The following KDM3A variants were observed in gnomAD, a reference collection of about 807,000 sequenced individuals.
KDM3A encodes lysine demethylase 3A.
In KDM3A, 60 loss-of-function variants were observed where a neutral mutation model predicts 158.0. The ratio of observed to expected loss-of-function variants is 0.38; its 90% CI spans 0.31 to 0.47. The LOEUF (loss-of-function observed/expected upper bound fraction) is 0.47, where lower values mean the gene tolerates loss of function less well. Ranked by LOEUF, KDM3A falls within the 20% of genes least tolerant of loss-of-function variation. The probability of loss-of-function intolerance (pLI) is 0.99; values close to 1 mark genes in which losing one functional copy is unlikely to be tolerated. For missense variants in KDM3A, 1,319 were observed against 1,574.3 expected (o/e 0.84, Z 2.74); for synonymous variants, 608 against 549.3 (o/e 1.11, Z -1.49).
intron 2 of KDM3A, chr2:86,443,482 G>A (rs1427491979): frequency 6.6e-6 from 1 of 152,158 alleles, no homozygotes; most frequent in East Asian, 1.9e-4. Flanking sequence ...TTAACCATGT[G>A]GCAAGCACTT....
At chr2:86,452,718 G>A (rs1672521787) in intron 4 of KDM3A, among the ~76,000 whole-genome samples, 1 of 152,164 alleles carries the variant, frequency 6.6e-6, no homozygotes, top group South Asian at 2.1e-4. Context: ...GTAGTTTGGG[G>A]TCAGTGGTTA....
intron 2 of KDM3A, chr2:86,442,456 G>A (rs1682770215): frequency 4.0e-6 from 2 of 498,992 alleles, no homozygotes; most frequent in Admixed American, 3.6e-5. Context: ...ATGGGCTTAG[G>A]GTTGTTCAGA....
chr2:86,473,570 C>G (rs904034888), intron 11 of KDM3A, among the ~76,000 whole-genome samples: 3 of 152,060 alleles, frequency 2.0e-5, no homozygotes, highest in African/African-American at 7.2e-5. Flanking sequence ...CAGGGCAAAA[C>G]CCTGTCTCTA....
chr2:86,466,979 T>G lies in KDM3A; in HGVS notation c.1519+96T>G, dbSNP rs1673184139. ...TATGAGAAACTATGTGAAAATGACT[T>G]TGTAGAAATAGTTTATACAGTCAGA... is the stretch of plus-strand genomic sequence containing the variant. On this transcript the variant is annotated intron_variant, in intron 10 of 25. Transcript: ENST00000312912. 7.6e-6 allele frequency: 8 copies of G among 1,056,784 alleles called. No individual in the cohort carries two copies. In the South Asian group the frequency reaches 1.2e-4, roughly 16 times the overall value. 65.5% of individuals were successfully genotyped at this position (1,056,784 alleles called of 1,614,324 possible). A position where few individuals can be genotyped will look rare whatever the true frequency, so the allele number is the denominator to read the frequency against.
At chr2:86,447,719 C>T (rs766670975) in intron 2 of KDM3A, among the ~76,000 whole-genome samples, 24 of 152,142 alleles carry the variant, frequency 1.6e-4, no homozygotes, top group Non-Finnish European at 1.9e-4. Context: ...ACCTGGGGTG[C>T]AAGTTAGTTG....
chr2:86,444,628 G>A (rs560719775), intron 2 of KDM3A, among the ~76,000 whole-genome samples: 2 of 143,246 alleles, frequency 1.4e-5, no homozygotes, highest in Non-Finnish European at 3.0e-5. Context: ...TTACACTAGG[G>A]TTTAGGGGCA....
chr2:86,467,034 C>T (rs887660442), intron 10 of KDM3A, 151 bp downstream of exon 10: 1 of 660,860 alleles, frequency 1.5e-6, no homozygotes, highest in South Asian at 2.2e-5. Flanking sequence ...ATTCCCAAAT[C>T]TCAGAAACGA....
chr2:86,480,311 C>A lies in KDM3A; in HGVS notation c.2461C>A (p.Leu821Ile), dbSNP rs1468584427. ...KPACPASTSP[L>I]NWLADLTSGN... Reference sequence around the variant, plus strand: ...TGCCTGTCCAGCCAGCACATCTCCTCTAAACTGGCTGGCCGACCTAACCAG... The same window carrying A: ...TGCCTGTCCAGCCAGCACATCTCCTATAAACTGGCTGGCCGACCTAACCAG... Residue 821 changes from leucine (L) to isoleucine (I), a missense_variant, in exon 16 of 26, where the codon CTA (leucine) becomes ATA (isoleucine). Coordinates refer to ENST00000312912, the MANE Select transcript of KDM3A (RefSeq NM_018433.6). The A allele has an allele frequency of 1.9e-6, 3 of 1,614,076 alleles. No homozygotes were observed. The highest frequency in any genetic ancestry group is 2.5e-6 in the Non-Finnish European group (3 of 1,179,980).
intron 2 of KDM3A, among the ~76,000 whole-genome samples, chr2:86,446,104 CAGAA>C (rs1372998014): frequency 2.0e-5 from 3 of 152,084 alleles, no homozygotes; most frequent in African/African-American, 7.2e-5. Context: ...ATTCATATAT[CAGAA>C]AGATTTTCTG....
chr2:86,461,537 G>C (rs188848132), intron 8 of KDM3A, among the ~76,000 whole-genome samples: 1 of 152,180 alleles, frequency 6.6e-6, no homozygotes, highest in East Asian at 1.9e-4. Context: ...AACAGTGGGC[G>C]CAACAGCAGG....
upstream of KDM3A, among the ~76,000 whole-genome samples, chr2:86,438,142 T>G (rs557554064): frequency 3.0e-4 from 45 of 152,246 alleles, no homozygotes; most frequent in African/African-American, 1.1e-3. Flanking sequence ...GTTATAAAAT[T>G]TTCTTTTCTT....
In KDM3A at chr2:86,478,761, A is replaced by G. The variant is rs143460753; in HGVS notation, c.2316+26A>G. The G allele has an allele frequency of 6.8e-4, 1,085 of 1,606,624 alleles. 5 individuals carry two copies. The East Asian group carries it at 7.0e-3, about 10-fold the overall frequency. ...GTATTTACTGCTTATGTTAAATTCA[A>G]CATCTCTTGTAATTGTCATTTGTCT... On this transcript the variant is annotated intron_variant, in intron 15 of 25. Transcript: ENST00000312912.
chr2:86,490,443 C>T (rs893465844), intron 23 of KDM3A: 7 of 154,408 alleles, frequency 4.5e-5, no homozygotes, highest in African/African-American at 1.4e-4. Context: ...GATATTGTCA[C>T]TCTGAGTCTC....
upstream of KDM3A, among the ~76,000 whole-genome samples, chr2:86,440,229 GTATATTGAAAATCAACA>G (rs1573125920): frequency 2.0e-5 from 3 of 152,178 alleles, no homozygotes; most frequent in East Asian, 5.8e-4. Context: ...TTCAGAATAT[GTATATTGAAAATCAACA>G]TCCAGAGTTG....
chr2:86,441,966 G>A, intron 1 of KDM3A, 52 bp from the exon 2 acceptor site: 1 of 1,019,236 alleles, frequency 9.8e-7, no homozygotes, highest in Non-Finnish European at 1.4e-6. Context: ...GTCTCCGCCC[G>A]GCCCCCTCCC....
chr2:86,442,729 C>A (rs535511828), intron 2 of KDM3A: 4 of 131,166 alleles, frequency 3.0e-5, no homozygotes, highest in East Asian at 2.3e-4. Context: ...TTCTGTTTGG[C>A]GTATTAGGAT....
At chr2:86,484,916 A>G (rs1292850148) in intron 19 of KDM3A, 26 bp from the exon 20 acceptor site, 16 of 1,387,158 alleles carry the variant, frequency 1.2e-5, no homozygotes, top group Non-Finnish European at 1.6e-5. Context: ...TATAAATAGT[A>G]ATAGTTCATT....
chr2:86,489,096 T>C, intron 21 of KDM3A: 1 of 484,214 alleles, frequency 2.1e-6, no homozygotes, highest in Non-Finnish European at 3.6e-6. Flanking sequence ...GGAAGCCTGC[T>C]TTAACCACTT....
chr2:86,486,927 A>G (rs908876274), intron 21 of KDM3A: 1 of 152,328 alleles, frequency 6.6e-6, no homozygotes, highest in Non-Finnish European at 1.5e-5. Context: ...TGTGGGTGAG[A>G]AGACCCGGTG....
Sources: gnomAD v4.1 joint callset for allele counts (sites outside exome capture counted in the v4.1 genomes callset) on GRCh38, gnomAD v4.1.1 for gene constraint, MANE v1.5 for transcripts, NCBI Gene and HGNC (gene_info 2026-07-23, HGNC 2026-07-21) for gene names.